Variants in ANKRD50 observed in about 807,000 individuals in gnomAD.
ANKRD50 encodes ankyrin repeat domain-containing protein 50.
ANKRD50 carries 40 observed loss-of-function variants against 112.0 expected under a neutral mutation model. The observed-to-expected ratio is 0.36, with a 90% CI of 0.28 to 0.46. ANKRD50 has a LOEUF of 0.46. Ranked by LOEUF, ANKRD50 falls within the 20% of genes least tolerant of loss-of-function variation. The pLI, the probability that ANKRD50 is intolerant of heterozygous loss-of-function variation, is 1.00. For synonymous variants in ANKRD50, 613 were observed against 619.1 expected (o/e 0.99, Z 0.15); for missense variants, 1,487 against 1,701.7 (o/e 0.87, Z 2.22).
intron 2 of ANKRD50, among the ~76,000 whole-genome samples, chr4:124,685,664 T>C: frequency 6.6e-6 from 1 of 152,212 alleles, no homozygotes; most frequent in East Asian, 1.9e-4. Flanking sequence ...GCAACGGTAT[T>C]GTACAGGGTT....
chr4:124,695,805 AATAAACCAAGGG>A (rs1437818962), intron 2 of ANKRD50, among the ~76,000 whole-genome samples: 1 of 152,136 alleles, frequency 6.6e-6, no homozygotes, highest in Non-Finnish European at 1.5e-5. Flanking sequence ...AAATAATATA[AATAAACCAAGGG>A]TCTTAGTAAT....
intron 2 of ANKRD50, among the ~76,000 whole-genome samples, chr4:124,693,324 T>A (rs1410412103): frequency 6.6e-6 from 1 of 152,186 alleles, no homozygotes; most frequent in Non-Finnish European, 1.5e-5. Flanking sequence ...CAGTCCTGTT[T>A]GTTTGCTACA....
At chr4:124,693,140 T>A (rs1398110472) in intron 2 of ANKRD50, among the ~76,000 whole-genome samples, 1 of 152,114 alleles carries the variant, frequency 6.6e-6, no homozygotes, top group Non-Finnish European at 1.5e-5. Flanking sequence ...GAGCATGAGG[T>A]CCAATATTAA....
At position 124,666,540 on chromosome 4, in the gene ANKRD50, C is replaced by G. The variant is rs770913785; in HGVS notation, c.*978G>C. The G allele has an allele frequency of 2.0e-5, 3 of 152,164 alleles. No homozygotes were observed. Among genetic ancestry groups the G allele is most frequent in the Non-Finnish European group, 2.9e-5 (2 of 67,892 alleles). The allele number at this position is 152,164 out of a possible 1,614,324, so 9.4% of individuals were successfully genotyped here. ...ATGCAGCAATTTACAAAATAGAAAC[C>G]GCTGAGAGAGAAGCCAGCAAAATTA... is the stretch of plus-strand genomic sequence containing the variant. On this transcript the variant is annotated 3_prime_UTR_variant, in exon 5 of 5. Transcript: ENST00000504087.
At chr4:124,680,651 T>C (rs1250022987) in intron 2 of ANKRD50, among the ~76,000 whole-genome samples, 2 of 152,160 alleles carry the variant, frequency 1.3e-5, no homozygotes, top group Non-Finnish European at 2.9e-5. Flanking sequence ...TAGTACAATA[T>C]ATAGAGAACA....
In ANKRD50 at chr4:124,670,514, T is replaced by C; in HGVS notation, c.2763A>G (p.Ala921=). The change falls in exon 4 of 5, where the codon GCA becomes GCG. Residue 921 remains alanine (A), a synonymous_variant. Coordinates refer to ENST00000504087, the MANE Select transcript of ANKRD50 (RefSeq NM_020337.3). The part of the protein sequence containing the change: ...YDGRNALRVA[A]LEGHRDIVEL... ...CAACAATGTCCCTGTGCCCTTCTAA[T>C]GCAGCAACCCGCAGTGCATTTCTTC... 1 of 1,613,612 alleles carries C rather than the reference T, an allele frequency of 6.2e-7. No homozygotes were observed. The highest frequency in any genetic ancestry group is 1.7e-5 in the Admixed American group (1 of 59,888).
chr4:124,690,568 C>T (rs772046528), intron 2 of ANKRD50, among the ~76,000 whole-genome samples: 37 of 151,996 alleles, frequency 2.4e-4, no homozygotes, highest in Non-Finnish European at 3.4e-4. Context: ...ATAAACAGTA[C>T]AATAAAATAA....
chr4:124,708,942 T>C (rs1287688259), intron 2 of ANKRD50, among the ~76,000 whole-genome samples: 3 of 151,774 alleles, frequency 2.0e-5, no homozygotes, highest in African/African-American at 7.3e-5. Context: ...ATATTTTCAA[T>C]ATTACTTTCA....
At chr4:124,680,339 T>C (rs1724853804) in intron 2 of ANKRD50, among the ~76,000 whole-genome samples, 1 of 152,172 alleles carries the variant, frequency 6.6e-6, no homozygotes, top group Non-Finnish European at 1.5e-5. Flanking sequence ...TTCAATGCAC[T>C]GTTCTCAGTG....
At chr4:124,678,610 T>C in intron 3 of ANKRD50, 66 bp downstream of exon 3, 1 of 1,437,846 alleles carries the variant, frequency 7.0e-7, no homozygotes, top group Non-Finnish European at 9.6e-7. Flanking sequence ...CTGCATACTT[T>C]TTCCTCTAAG....
At position 124,710,063 on chromosome 4, in the gene ANKRD50, G is replaced by A; in HGVS notation, c.449C>T (p.Pro150Leu). The A allele has an allele frequency of 6.2e-7, 1 of 1,614,110 alleles. No individual in the cohort carries two copies. The highest frequency in any genetic ancestry group is 8.5e-7 in the Non-Finnish European group (1 of 1,180,030). Reference protein sequence around the residue: ...LQGYEDKLRDPAVQSLLQPGE... With the variant: ...LQGYEDKLRDLAVQSLLQPGE... ...AGGCTGTAAGAGGCTTTGGACTGCT[G>A]GATCCCTTAGCTTGTCCTCATATCC... Residue 150 changes from proline to leucine, a missense_variant, in exon 2 of 5, where the codon CCA becomes CTA. Physicochemically the swap from Pro to Leu is moderately conservative, Grantham distance 98 (BLOSUM62 -3). This residue lies in a region of ANKRD50 where 1,046 missense variants were observed against 1,269.5 expected (regional missense o/e 0.82). Transcript: ENST00000504087.
intron 2 of ANKRD50, among the ~76,000 whole-genome samples, chr4:124,681,352 A>G (rs917220846): frequency 7.2e-5 from 11 of 152,236 alleles, no homozygotes; most frequent in African/African-American, 2.7e-4. Context: ...TTGTTACTTT[A>G]TAAGTGGTAA....
chr4:124,672,213 T>C lies in ANKRD50; in HGVS notation c.1064A>G (p.Asn355Ser), dbSNP rs977817600. 6.2e-7 allele frequency: 1 copy of C among 1,613,864 alleles called. No individual in the cohort carries two copies. Among genetic ancestry groups the C allele is most frequent in the African/African-American group, 1.3e-5 (1 of 75,006 alleles). The stretch of plus-strand genomic sequence containing the variant: ...AGGTCGGCAGGCTGCAAGAATCACA[T>C]TCAAAATAGGCTGAACCTTTGCAAA... Reference protein sequence around the residue: ...KQFAKVQPILNVILAACRPLT... With the variant: ...KQFAKVQPILSVILAACRPLT... Residue 355 changes from asparagine to serine, a missense_variant, in exon 4 of 5, where the codon AAT becomes AGT. Physicochemically the swap from Asn to Ser is conservative, Grantham distance 46. Transcript: ENST00000504087.
chr4:124,710,619 T>C lies in ANKRD50; in HGVS notation c.-108A>G. On this transcript the variant is annotated 5_prime_UTR_variant, in exon 2 of 5. Coordinates refer to ENST00000504087, the MANE Select transcript of ANKRD50 (RefSeq NM_020337.3). ...AAGTTGACTCTGAAGACAGAGTAAC[T>C]AGTTACAGTAAAATTCAACAGCCAC... 3.1e-6 allele frequency: 4 copies of C among 1,294,844 alleles called. No homozygotes were observed. Among genetic ancestry groups the C allele is most frequent in the Non-Finnish European group, 3.2e-6 (3 of 945,446 alleles). The allele number at this position is 1,294,844 out of a possible 1,614,324, so 80.2% of individuals were successfully genotyped here.
rs746024102 is a variant in ANKRD50 at position 124,710,021 on chromosome 4, T to C, written c.491A>G (p.Asn164Ser). 1.9e-5 allele frequency: 31 copies of C among 1,610,426 alleles called. No homozygotes were observed. The highest frequency in any genetic ancestry group is 1.2e-4 in the South Asian group (11 of 90,988). ...TTACCTTTTAAATGCTTCGGCTGGG[T>C]TTCTCTCGCACTCCCCAGGCTGTAA... ...SLLQPGECER[N>S]PAEAFKRCVL... Residue 164 changes from asparagine to serine, a missense_variant, in exon 2 of 5, where the codon AAC (asparagine) becomes AGC (serine). Around this residue, in one of 2 missense-constraint regions of ANKRD50, gnomAD observed 1,046 missense variants for 1,269.5 expected, o/e 0.82. Transcript: ENST00000504087.
intron 3 of ANKRD50, among the ~76,000 whole-genome samples, chr4:124,674,084 A>C (rs774770063): frequency 2.0e-5 from 3 of 151,966 alleles, no homozygotes; most frequent in Non-Finnish European, 4.4e-5. Context: ...CTGTGTGTCC[A>C]TTTGCTTTTG....
intron 2 of ANKRD50, among the ~76,000 whole-genome samples, chr4:124,679,259 A>G: frequency 6.6e-6 from 1 of 152,286 alleles, no homozygotes; most frequent in East Asian, 1.9e-4. Context: ...ACAAAGCTAA[A>G]ATGTGTTGCA....
rs1176113895 is a variant in ANKRD50 at position 124,667,471 on chromosome 4, A to G, written c.*47T>C. The G allele has an allele frequency of 1.3e-5, 2 of 152,060 alleles. No homozygotes were observed. Among genetic ancestry groups the G allele is most frequent in the Non-Finnish European group, 2.9e-5 (2 of 67,958 alleles). The allele number at this position is 152,060 out of a possible 1,614,324, so 9.4% of individuals were successfully genotyped here. A position where few individuals can be genotyped will look rare whatever the true frequency, so the allele number is the denominator to read the frequency against. ...GCATATGTTTCCATCCAGTAGCTGA[A>G]GAACCACTCCATCACAATGTCTTCT... On this transcript the variant is annotated 3_prime_UTR_variant, in exon 5 of 5. Coordinates refer to ENST00000504087, the MANE Select transcript of ANKRD50 (RefSeq NM_020337.3).
At chr4:124,676,121 TGTAGGA>T (rs1237345849) in intron 3 of ANKRD50, among the ~76,000 whole-genome samples, 2 of 151,710 alleles carry the variant, frequency 1.3e-5, no homozygotes, top group Admixed American at 1.3e-4. Context: ...GAAAGATATG[TGTAGGA>T]CATATAGAAG....
Sources: gnomAD v4.1 joint callset for allele counts (sites outside exome capture counted in the v4.1 genomes callset) on GRCh38, gnomAD v4.1.1 for gene constraint, gnomAD v4.1.1 regional missense constraint, MANE v1.5 for transcripts, NCBI Gene and HGNC (gene_info 2026-07-23, HGNC 2026-07-21) for gene names.